The following AGAP2 variants were observed in gnomAD, a reference collection of about 807,000 sequenced individuals.
The protein encoded by AGAP2 is ArfGAP with GTPase domain, ankyrin repeat and PH domain 2.
AGAP2 carries 32 observed loss-of-function variants against 110.9 expected under a neutral mutation model. The ratio of observed to expected loss-of-function variants is 0.29; its 90% CI spans 0.22 to 0.39. The LOEUF is 0.39. AGAP2 is among the 10% of genes least tolerant of loss of function. AGAP2 has a pLI of 1.00. For synonymous variants in AGAP2, 702 were observed against 713.0 expected (o/e 0.98, Z 0.25); for missense variants, 1,285 against 1,638.5 (o/e 0.78, Z 3.72).
rs1246967199 is a variant in AGAP2, at chr12:57,731,651, G to A, written c.1954-9C>T. On this transcript the variant is annotated splice_polypyrimidine_tract_variant and intron_variant, in intron 8 of 18. Coordinates refer to ENST00000547588, the MANE Select transcript of AGAP2 (RefSeq NM_001122772.3). The stretch of plus-strand genomic sequence containing the variant: ...TCACTACCCCGACGATTCTGGAATG[G>A]TTATTGGAATCAGTTTGAGGATGGA... 3 of 1,614,140 alleles carry A rather than the reference G, an allele frequency of 1.9e-6. No individual in the cohort carries two copies. The highest frequency in any genetic ancestry group is 1.7e-5 in the Admixed American group (1 of 60,018).
At chr12:57,735,105 A>G (rs1954955693) in intron 2 of AGAP2, among the ~76,000 whole-genome samples, 1 of 152,058 alleles carries the variant, frequency 6.6e-6, no homozygotes, top group Admixed American at 6.6e-5. Flanking sequence ...AAGGGCAGAT[A>G]CCAGAAATGA....
At position 57,734,378 on chromosome 12, in the gene AGAP2, C is replaced by T. The variant is rs747720066; in HGVS notation, c.1342G>A (p.Val448Met). Residue 448 changes from valine (V) to methionine (M), a missense_variant, in exon 4 of 19, where the codon GTG becomes ATG. Around this residue, in one of 7 missense-constraint regions of AGAP2, gnomAD observed 844 missense variants for 941.2 expected, o/e 0.90. Transcript: ENST00000547588. The part of the protein sequence containing the change: ...ESEQYKKEML[V>M]DGQTHLVLIR... ...AGCACCAGATGTGTCTGTCCATCCA[C>T]CAACATTTCTTTCTTGTACTGCTCA... 3.1e-6 allele frequency: 5 copies of T among 1,614,220 alleles called. No homozygotes were observed. Among genetic ancestry groups the T allele is most frequent in the Non-Finnish European group, 3.4e-6 (4 of 1,180,028 alleles).
At chr12:57,732,035 C>A (rs534322440) in intron 7 of AGAP2, 68 bp from the exon 8 acceptor site, 2 of 1,528,140 alleles carry the variant, frequency 1.3e-6, no homozygotes, top group South Asian at 1.2e-5. Flanking sequence ...ACTCATATCT[C>A]GTTATGGGGA....
At chr12:57,736,370 C>T (rs1442871262) in intron 1 of AGAP2, among the ~76,000 whole-genome samples, 1 of 152,244 alleles carries the variant, frequency 6.6e-6, no homozygotes, top group Non-Finnish European at 1.5e-5. Flanking sequence ...CCCAAGTCTC[C>T]CGGGGTACGG....
chr12:57,736,960 G>A, intron 1 of AGAP2, 119 bp downstream of exon 1: 1 of 1,432,996 alleles, frequency 7.0e-7, no homozygotes, highest in Admixed American at 2.9e-5. Flanking sequence ...GGGTGAGCTT[G>A]GTTCATCCGC....
Position 57,730,624 on chromosome 12 carries a change from G to A in AGAP2, c.2309-10C>T. The stretch of plus-strand genomic sequence containing the variant: ...ATGGGAGTAGTGGCTTCTGTCGGAA[G>A]AAGATGAAACCTCAGTGAGCCTCTT... On this transcript the variant is annotated splice_polypyrimidine_tract_variant and intron_variant, in intron 11 of 18. Transcript: ENST00000547588. 6.2e-7 allele frequency: 1 copy of A among 1,611,690 alleles called. No individual in the cohort carries two copies. The highest frequency in any genetic ancestry group is 8.5e-7 in the Non-Finnish European group (1 of 1,178,882).
At chr12:57,734,712 G>C in intron 2 of AGAP2, 33 bp from the exon 3 acceptor site, 1 of 1,604,780 alleles carries the variant, frequency 6.2e-7, no homozygotes, top group African/African-American at 1.3e-5. Flanking sequence ...GAAATTGTGG[G>C]ATATAAGAGA....
chr12:57,731,384 G>A lies in AGAP2; in HGVS notation c.2127C>T (p.Leu709=), dbSNP rs374886848. The A allele has an allele frequency of 7.6e-5, 122 of 1,613,878 alleles. No homozygotes were observed. The highest frequency in any genetic ancestry group is 1.0e-4 in the Non-Finnish European group (121 of 1,179,830). Residue 709 remains leucine, a synonymous_variant, in exon 10 of 19, where the codon CTC becomes CTT. Transcript: ENST00000547588. ...CACTCACGTTAATACTGGGGTGGTA[G>A]AGTAGAAAGCCATTACTGGACAGGG... The part of the protein sequence containing the change: ...YVTLSSNGFL[L]YHPSINDYIH...
chr12:57,734,427 G>A (rs1954942369), intron 3 of AGAP2, 23 bp from the exon 4 acceptor site: 1 of 1,613,220 alleles, frequency 6.2e-7, no homozygotes, highest in African/African-American at 1.3e-5. Context: ...GTTGGAAGGG[G>A]TAACAGGTCA....
chr12:57,726,604 C>G lies in AGAP2; in HGVS notation c.3527G>C (p.Arg1176Pro). Residue 1176 changes from arginine to proline, a missense_variant, in exon 19 of 19, where the codon CGG becomes CCG. Around this residue, in one of 7 missense-constraint regions of AGAP2, gnomAD observed 201 missense variants for 276.1 expected, o/e 0.73. Transcript: ENST00000547588. The surrounding 1 kb of genome is among the most constrained non-coding windows in gnomAD (Gnocchi z 5.7). Reference sequence around the variant, plus strand: ...GCGGCCCACGCTAGCGGCGCTGCTCCGGCGGCGGGGGCTGGGCGTGGCGGT... The same window carrying G: ...GCGGCCCACGCTAGCGGCGCTGCTCGGGCGGCGGGGGCTGGGCGTGGCGGT... ...SITATPSPRR[R>P]SSAASVGRAD... The G allele has an allele frequency of 8.3e-7, 1 of 1,201,880 alleles. No individual in the cohort carries two copies. The highest frequency in any genetic ancestry group is 1.0e-6 in the Non-Finnish European group (1 of 968,610). 74.5% of individuals were successfully genotyped at this position (1,201,880 alleles called of 1,614,324 possible).
At position 57,726,649 on chromosome 12, in the gene AGAP2, G is replaced by A. The variant is rs770047796; in HGVS notation, c.3482C>T (p.Ala1161Val). The stretch of plus-strand genomic sequence containing the variant: ...GGCGGTGATGCTGGGCGTGGTGGCC[G>A]CGCTGGGCGTGGTGGCCGCGCTGCC... ...EGGSAATTPS[A>V]ATTPSITATP... Residue 1161 changes from alanine to valine, a missense_variant, in exon 19 of 19, where the codon GCG becomes GTG. Around this residue, in one of 7 missense-constraint regions of AGAP2, gnomAD observed 201 missense variants for 276.1 expected, o/e 0.73. Coordinates refer to ENST00000547588, the MANE Select transcript of AGAP2 (RefSeq NM_001122772.3). The surrounding 1 kb of genome is among the most constrained non-coding windows in gnomAD (Gnocchi z 5.7). 2.9e-4 allele frequency: 345 copies of A among 1,197,998 alleles called. No homozygotes were observed. The highest frequency in any genetic ancestry group is 3.5e-4 in the Non-Finnish European group (334 of 966,394). The allele number at this position is 1,197,998 out of a possible 1,614,324, so 74.2% of individuals were successfully genotyped here.
chr12:57,725,987 C>T lies in AGAP2; in HGVS notation c.*565G>A, dbSNP rs1187396345. 1.3e-5 allele frequency: 2 copies of T among 152,130 alleles called. No homozygotes were observed. Among genetic ancestry groups the T allele is most frequent in the Non-Finnish European group, 2.9e-5 (2 of 68,092 alleles). The allele number at this position is 152,130 out of a possible 1,614,324, so 9.4% of individuals were successfully genotyped here. A position where few individuals can be genotyped will look rare whatever the true frequency, so the allele number is the denominator to read the frequency against. On this transcript the variant is annotated 3_prime_UTR_variant, in exon 19 of 19. Coordinates refer to ENST00000547588, the MANE Select transcript of AGAP2 (RefSeq NM_001122772.3). ...ACGGAAAGGGTTGGGAACCCCCACC[C>T]CCATGAGCAGCAGGGGTCCTGCCCC...
chr12:57,726,973 C>A lies in AGAP2; in HGVS notation c.3336+1G>T. On this transcript the variant is annotated splice_donor_variant, in intron 18 of 18. Transcript: ENST00000547588. LOFTEE classifies it high-confidence loss of function. The surrounding 1 kb of genome is among the most constrained non-coding windows in gnomAD (Gnocchi z 5.7). ...CCCTTTCCTCCCCCCAGCTCACGTA[C>A]CCACAGCAGCAGTTGCGTGATGACG... 1 of 1,573,686 alleles carries A rather than the reference C, an allele frequency of 6.4e-7. No homozygotes were observed. Among genetic ancestry groups the A allele is most frequent in the Admixed American group, 1.8e-5 (1 of 56,506 alleles).
intron 2 of AGAP2, among the ~76,000 whole-genome samples, chr12:57,734,983 C>CTAGA (rs1225967385): frequency 1.3e-5 from 2 of 151,316 alleles, no homozygotes; most frequent in African/African-American, 4.9e-5. Context: ...AGAAAACATA[C>CTAGA]TAGATATGTT....
intron 17 of AGAP2, 38 bp from the exon 18 acceptor site, chr12:57,727,267 C>G (rs1240960012): frequency 6.2e-7 from 1 of 1,612,270 alleles, no homozygotes; most frequent in Non-Finnish European, 8.5e-7. Flanking sequence ...GCTCTAGGGA[C>G]CCCCAGCCAG....
chr12:57,738,810 G>T (rs2140369960), upstream of AGAP2, among the ~76,000 whole-genome samples: 1 of 151,758 alleles, frequency 6.6e-6, no homozygotes, highest in East Asian at 2.0e-4. This position sits in a 1 kb window ranked among gnomAD's most constrained non-coding sequence, Gnocchi z 6.7. Context: ...ACAGGAGGCG[G>T]CGGGGGAGGA....
At chr12:57,736,744 C>G (rs1460355078) in intron 1 of AGAP2, among the ~76,000 whole-genome samples, 1 of 152,230 alleles carries the variant, frequency 6.6e-6, no homozygotes, top group African/African-American at 2.4e-5. Flanking sequence ...AGCCCCGTTT[C>G]CATGCTCCCA....
intron 10 of AGAP2, among the ~76,000 whole-genome samples, 196 bp from the exon 11 acceptor site, chr12:57,731,149 G>A (rs1380102660): frequency 6.6e-6 from 1 of 152,148 alleles, no homozygotes; most frequent in Non-Finnish European, 1.5e-5. Flanking sequence ...CCCTTCCTGG[G>A]TGCTCTCCCA....
At chr12:57,728,243 A>T in intron 14 of AGAP2, 75 bp downstream of exon 14, 1 of 1,562,490 alleles carries the variant, frequency 6.4e-7, no homozygotes. Flanking sequence ...GCCCGAGCAC[A>T]TGCAGGGGAA....
Sources: gnomAD v4.1 joint callset for allele counts (sites outside exome capture counted in the v4.1 genomes callset) on GRCh38, gnomAD v4.1.1 for gene constraint, gnomAD v4.1.1 regional missense constraint, Gnocchi (gnomAD v3.1) non-coding constraint, MANE v1.5 for transcripts, NCBI Gene and HGNC (gene_info 2026-07-23, HGNC 2026-07-21) for gene names.